Variants in FAAH2 observed in about 807,000 individuals in gnomAD.
The protein encoded by FAAH2 is fatty acid amide hydrolase 2.
In FAAH2, 60 loss-of-function variants were observed where a neutral mutation model predicts 36.9. That is an observed-to-expected ratio of 1.63 (90% CI 1.32 to 2.02). The LOEUF (loss-of-function observed/expected upper bound fraction) is 2.02. Among genes scored for constraint, FAAH2 ranks in the 30% most tolerant of loss-of-function variants. The pLI is 0.00. For missense variants in FAAH2, 689 were observed against 397.5 expected (o/e 1.73, Z -6.23); for synonymous variants, 214 against 143.8 (o/e 1.49, Z -3.49).
At chrX:57,248,117 T>C in the FAAH2 span, among the ~76,000 whole-genome samples, 25 of 112,025 alleles carry the variant, frequency 2.2e-4, no homozygotes, top group African/African-American at 6.8e-4. Context: ...GAAGAACATA[T>C]AGAATAAACA....
the FAAH2 span, among the ~76,000 whole-genome samples, chrX:57,235,945 T>C: frequency 8.9e-6 from 1 of 112,476 alleles, no homozygotes; most frequent in African/African-American, 3.2e-5. Context: ...AAACTTATTC[T>C]TTCTTTCTGA....
At chrX:57,312,928 T>C (rs948964497) in intron 3 of FAAH2, among the ~76,000 whole-genome samples, 4 of 111,609 alleles carry the variant, frequency 3.6e-5, no homozygotes, top group African/African-American at 1.3e-4. Flanking sequence ...AATCTGGGTG[T>C]CAATGAAACT....
chrX:57,185,671 A>AGT, the FAAH2 span, among the ~76,000 whole-genome samples: 1 of 110,402 alleles, frequency 9.1e-6, no homozygotes, highest in East Asian at 2.9e-4. Flanking sequence ...TAAGCCCTGC[A>AGT]TGCATTAGGT....
chrX:57,450,865 T>C (rs1287297735), intron 10 of FAAH2, among the ~76,000 whole-genome samples: 2 of 111,532 alleles, frequency 1.8e-5, no homozygotes, highest in African/African-American at 6.5e-5. Flanking sequence ...TGGAGACATG[T>C]ATATGTTTAT....
At chrX:57,139,052 T>C in the FAAH2 span, among the ~76,000 whole-genome samples, 1 of 112,313 alleles carries the variant, frequency 8.9e-6, no homozygotes, top group African/African-American at 3.2e-5. Flanking sequence ...GTGCAGAAGC[T>C]TTTTAGCTGA....
At chrX:57,236,459 T>A in the FAAH2 span, among the ~76,000 whole-genome samples, 4 of 112,402 alleles carry the variant, frequency 3.6e-5, no homozygotes, top group South Asian at 1.5e-3. Context: ...ATCCTAGCAG[T>A]AGTGTACAAT....
chrX:57,227,645 T>A, the FAAH2 span, among the ~76,000 whole-genome samples: 1 of 111,608 alleles, frequency 9.0e-6, no homozygotes, highest in Admixed American at 9.4e-5. Context: ...GAGGTGGCAC[T>A]TTCCAGAAAA....
chrX:57,171,842 T>A, the FAAH2 span, among the ~76,000 whole-genome samples: 92 of 112,257 alleles, frequency 8.2e-4, no homozygotes, highest in African/African-American at 2.9e-3. Flanking sequence ...CCTAGACTGA[T>A]GTGCAGAGTT....
chrX:57,484,598 A>G (rs1368822423), intron 10 of FAAH2, among the ~76,000 whole-genome samples: 1 of 111,686 alleles, frequency 9.0e-6, no homozygotes, highest in Non-Finnish European at 1.9e-5. Flanking sequence ...TTGAAGCAGA[A>G]TATATTTACT....
chrX:57,309,004 T>C (rs1396827581), intron 2 of FAAH2, among the ~76,000 whole-genome samples: 1 of 112,265 alleles, frequency 8.9e-6, no homozygotes, highest in African/African-American at 3.2e-5. Flanking sequence ...GTTGAAGTAA[T>C]CAATAAATGT....
the FAAH2 span, among the ~76,000 whole-genome samples, chrX:57,212,738 T>C: frequency 1.8e-5 from 2 of 112,187 alleles, no homozygotes; most frequent in Non-Finnish European, 3.8e-5. Context: ...CAATGAAAGA[T>C]ATGAATCATA....
intron 7 of FAAH2, among the ~76,000 whole-genome samples, chrX:57,428,300 T>C (rs1470692266): frequency 8.9e-6 from 1 of 111,918 alleles, no homozygotes; most frequent in Non-Finnish European, 1.9e-5. Context: ...ATGAATATCA[T>C]TAAAATGTCT....
At chrX:57,228,631 C>T in the FAAH2 span, among the ~76,000 whole-genome samples, 537 of 111,148 alleles carry the variant, frequency 4.8e-3, 3 homozygotes, top group African/African-American at 0.017. Flanking sequence ...CTGCTCTGTC[C>T]GGAGCTGCAA....
In FAAH2 at chrX:57,448,703, A is replaced by G; in HGVS notation, c.1408A>G (p.Asn470Asp). The change falls in exon 10 of 11, where the codon AAC (asparagine) becomes GAC (aspartate). Residue 470 changes from asparagine (N) to aspartate (D), a missense_variant. By Grantham distance (23) the Asn-to-Asp change is conservative. Transcript: ENST00000374900. ...KHHVPLTRPF[N>D]FAYTGVFSAL... ...TCATGTCCCTCTAACACGGCCTTTC[A>G]ACTTTGCTTACACAGGTACCTAATT... 1 of 1,207,321 alleles carries G rather than the reference A, an allele frequency of 8.3e-7. No homozygotes were observed.
chrX:57,440,403 G>A (rs1175512278), intron 8 of FAAH2, among the ~76,000 whole-genome samples: 1 of 110,901 alleles, frequency 9.0e-6, no homozygotes, highest in Admixed American at 9.6e-5. Context: ...CTCTCTGATT[G>A]TCTGTTTTTG....
At chrX:57,122,508 G>A in the FAAH2 span, among the ~76,000 whole-genome samples, 1 of 112,258 alleles carries the variant, frequency 8.9e-6, no homozygotes. Context: ...AATAATTAAA[G>A]TTATAGTTTT....
At chrX:57,204,124 A>T in the FAAH2 span, among the ~76,000 whole-genome samples, 1 of 111,268 alleles carries the variant, frequency 9.0e-6, no homozygotes, top group Non-Finnish European at 1.9e-5. Flanking sequence ...TAATGATTCC[A>T]TGGGAATCAT....
chrX:57,465,397 G>A (rs190352431), intron 10 of FAAH2, among the ~76,000 whole-genome samples: 1 of 111,209 alleles, frequency 9.0e-6, no homozygotes, highest in East Asian at 2.8e-4. Context: ...TAGGACAAAT[G>A]CAAAGATATC....
At chrX:57,312,818 CA>C (rs1165431638) in intron 3 of FAAH2, among the ~76,000 whole-genome samples, 4 of 111,525 alleles carry the variant, frequency 3.6e-5, no homozygotes, top group Non-Finnish European at 7.5e-5. Flanking sequence ...TCTGGAAATC[CA>C]AAAAGTAGAG....
Sources: allele counts gnomAD v4.1 joint callset (sites outside exome capture counted in the v4.1 genomes callset), GRCh38; gene constraint gnomAD v4.1.1; transcripts MANE v1.5; gene names NCBI Gene and HGNC (gene_info 2026-07-23, HGNC 2026-07-21).